NADSYN1: variants seen among roughly 807,000 people sequenced by gnomAD.
NADSYN1 encodes the protein glutamine-dependent NAD(+) synthetase.
NADSYN1 carries 80 observed loss-of-function variants against 99.3 expected under a neutral mutation model. The ratio of observed to expected loss-of-function variants is 0.81; its 90% CI spans 0.67 to 0.97. NADSYN1 has a LOEUF of 0.97. Ranked by LOEUF, NADSYN1 falls within the 50% of genes least tolerant of loss-of-function variation. The pLI is 0.00. For synonymous variants in NADSYN1, 385 were observed against 372.1 expected, an observed-to-expected ratio of 1.03 and a Z score of -0.40; for missense variants, 859 against 948.5, an observed-to-expected ratio of 0.91 and a Z score of 1.24.
At chr11:71,489,125 A>G (rs1184397906) in intron 16 of NADSYN1, among the ~76,000 whole-genome samples, 3 of 151,802 alleles carry the variant, frequency 2.0e-5, no homozygotes, top group Non-Finnish European at 4.4e-5. Context: ...GGGAATGCAG[A>G]GCTGAGAGGC....
At position 71,455,103 on chromosome 11, in the gene NADSYN1, C is replaced by T. The variant is rs370801212; in HGVS notation, c.86-7C>T. On this transcript the variant is annotated splice_polypyrimidine_tract_variant and splice_region_variant and intron_variant, in intron 1 of 20. Coordinates refer to ENST00000319023, the MANE Select transcript of NADSYN1 (RefSeq NM_018161.5). ...GCTCCATTTTCTTTTTCTCTCTGTA[C>T]TTACAGGTATTGAAATTGCCAAAAA... is the stretch of plus-strand genomic sequence containing the variant. 2 of 1,610,938 alleles carry T rather than the reference C, an allele frequency of 1.2e-6. No homozygotes were observed. Among genetic ancestry groups the T allele is most frequent in the South Asian group, 2.2e-5 (2 of 90,974 alleles).
rs980506067 is a variant in NADSYN1 at position 71,474,423 on chromosome 11, A to G, written c.695A>G (p.Gln232Arg). The G allele has an allele frequency of 2.5e-6, 4 of 1,614,088 alleles. No homozygotes were observed. The highest frequency in any genetic ancestry group is 4.5e-5 in the East Asian group (2 of 44,880). ...KNGGIYLLANQKGCDGDRLYY... is the reference protein window; with the variant it reads ...KNGGIYLLANRKGCDGDRLYY... Reference sequence around the variant, plus strand: ...GGTGGGATTTACTTGCTGGCCAACCAGAAGGGTTGTGACGGGGACCGCCTG... The same window carrying G: ...GGTGGGATTTACTTGCTGGCCAACCGGAAGGGTTGTGACGGGGACCGCCTG... The change falls in exon 9 of 21, where the codon CAG (glutamine) becomes CGG (arginine). Residue 232 changes from glutamine to arginine, a missense_variant. Physicochemically the swap from Gln to Arg is conservative, Grantham distance 43 (BLOSUM62 1). Coordinates refer to ENST00000319023, the MANE Select transcript of NADSYN1 (RefSeq NM_018161.5).
At chr11:71,474,372 G>T (rs765759892) in intron 8 of NADSYN1, 23 bp from the exon 9 acceptor site, 1 of 1,613,870 alleles carries the variant, frequency 6.2e-7, no homozygotes, top group South Asian at 1.1e-5. Context: ...TGACCACTCC[G>T]CTATGGGGTC....
chr11:71,471,370 G>A (rs554715031), intron 5 of NADSYN1, among the ~76,000 whole-genome samples: 1 of 152,320 alleles, frequency 6.6e-6, no homozygotes, highest in South Asian at 2.1e-4. Context: ...TACTTGGCAG[G>A]CTCAAGGAGC....
intron 18 of NADSYN1, among the ~76,000 whole-genome samples, chr11:71,496,004 C>T (rs1195429246): frequency 6.6e-6 from 1 of 152,246 alleles, no homozygotes; most frequent in East Asian, 1.9e-4. Context: ...CAGCGGCACC[C>T]TGTGGCCTCC....
intron 9 of NADSYN1, chr11:71,475,290 G>GCAGAAGT: frequency 1.3e-5 from 2 of 154,308 alleles, no homozygotes; most frequent in Admixed American, 1.3e-4. Flanking sequence ...GGAGACCCCA[G>GCAGAAGT]GACACTCTGG....
intron 8 of NADSYN1, 90 bp downstream of exon 8, chr11:71,473,776 C>T: frequency 1.1e-6 from 1 of 930,524 alleles, no homozygotes; most frequent in Non-Finnish European, 1.7e-6. Context: ...AGGGCTGGGC[C>T]CACACACAAT....
intron 14 of NADSYN1, among the ~76,000 whole-genome samples, chr11:71,483,914 G>A (rs1263129551): frequency 6.6e-6 from 1 of 152,326 alleles, no homozygotes; most frequent in Non-Finnish European, 1.5e-5. Flanking sequence ...TGAAGACATG[G>A]TGCGGATGAA....
rs769184655 is a variant in NADSYN1 at position 71,473,326 on chromosome 11, A to G, written c.508A>G (p.Ile170Val). The change falls in exon 7 of 21, where the codon ATT becomes GTT. Residue 170 changes from isoleucine (I) to valine (V), a missense_variant. Coordinates refer to ENST00000319023, the MANE Select transcript of NADSYN1 (RefSeq NM_018161.5). Reference protein sequence around the residue: ...DAVLVTWDTCIGSEICEELWT... With the variant: ...DAVLVTWDTCVGSEICEELWT... ...GGTGCTGGTGACATGGGACACCTGC[A>G]TTGGAAGTGAGATCTGTGAGGAGCT... The G allele has an allele frequency of 1.2e-6, 2 of 1,614,080 alleles. No homozygotes were observed. The highest frequency in any genetic ancestry group is 1.7e-6 in the Non-Finnish European group (2 of 1,180,038).
At chr11:71,482,339 T>C (rs1949713706) in intron 13 of NADSYN1, among the ~76,000 whole-genome samples, 1 of 152,184 alleles carries the variant, frequency 6.6e-6, no homozygotes. Context: ...CCATGTGATA[T>C]AGTATCAGAC....
chr11:71,458,360 C>T (rs905218806), intron 2 of NADSYN1, 68 bp from the exon 3 acceptor site: 16 of 1,235,732 alleles, frequency 1.3e-5, no homozygotes, highest in Admixed American at 5.1e-5. Context: ...CTGGACTGGC[C>T]CACAGGCCCT....
chr11:71,464,663 C>T (rs866683229), intron 5 of NADSYN1, among the ~76,000 whole-genome samples: 3 of 151,934 alleles, frequency 2.0e-5, no homozygotes, highest in East Asian at 3.9e-4. Flanking sequence ...GTCAGGAGAT[C>T]GAGACCATCC....
At chr11:71,485,394 CTG>C (rs1949735490) in intron 15 of NADSYN1, 146 bp from the exon 16 acceptor site, 4 of 601,054 alleles carry the variant, frequency 6.7e-6, no homozygotes. Flanking sequence ...CCTCGGGACA[CTG>C]TGGGACTCTG....
At position 71,484,338 on chromosome 11, in the gene NADSYN1, C is replaced by T. The variant is rs1401115218; in HGVS notation, c.1346C>T (p.Pro449Leu). The T allele has an allele frequency of 6.2e-7, 1 of 1,614,060 alleles. No homozygotes were observed. The highest frequency in any genetic ancestry group is 8.5e-7 in the Non-Finnish European group (1 of 1,179,980). Residue 449 changes from proline (P) to leucine (L), a missense_variant, in exon 15 of 21, where the codon CCA becomes CTA. Transcript: ENST00000319023. ...CACCACATCAGTCTCAACATCGATC[C>T]AGCCGTGAAGGCCGTCATGGGCATC... is the stretch of plus-strand genomic sequence containing the variant. ...GSHHISLNID[P>L]AVKAVMGIFS...
intron 11 of NADSYN1, 143 bp from the exon 12 acceptor site, chr11:71,481,213 A>G: frequency 1.2e-6 from 1 of 805,634 alleles, no homozygotes; most frequent in Non-Finnish European, 2.1e-6. Flanking sequence ...CCTTCTCACG[A>G]GGTGCCTAAA....
chr11:71,474,791 C>T (rs535270659), intron 9 of NADSYN1: 54 of 451,240 alleles, frequency 1.2e-4, no homozygotes, highest in African/African-American at 8.9e-4. Flanking sequence ...CCAGGGGTCC[C>T]GCCTGCTCTG....
chr11:71,466,979 G>A (rs538404678), intron 5 of NADSYN1, among the ~76,000 whole-genome samples: 6 of 152,146 alleles, frequency 3.9e-5, no homozygotes, highest in Admixed American at 6.5e-5. Context: ...GAGGTGGGGG[G>A]GTGGGCAGGA....
chr11:71,485,297 C>T (rs757081932), intron 15 of NADSYN1: 11 of 339,682 alleles, frequency 3.2e-5, no homozygotes, highest in East Asian at 6.0e-5. Flanking sequence ...TCTGCCCTCC[C>T]GGGCTCTGGG....
intron 9 of NADSYN1, chr11:71,477,295 A>G (rs1053889204): frequency 1.6e-6 from 2 of 1,270,694 alleles, no homozygotes; most frequent in African/African-American, 3.1e-5. Context: ...GCCTTCCCTC[A>G]TCTCCATTGT....
Sources: allele counts gnomAD v4.1 joint callset (sites outside exome capture counted in the v4.1 genomes callset), GRCh38; gene constraint gnomAD v4.1.1; transcripts MANE v1.5; gene names NCBI Gene and HGNC (gene_info 2026-07-23, HGNC 2026-07-21).